The following ZNF385D variants were observed in gnomAD, a reference collection of about 807,000 sequenced individuals.
ZNF385D encodes zinc finger protein 659.
In ZNF385D, 15 loss-of-function variants were observed where a neutral mutation model predicts 35.8. The ratio of observed to expected loss-of-function variants is 0.42; its 90% CI spans 0.28 to 0.64. The LOEUF (loss-of-function observed/expected upper bound fraction) is 0.64. Among genes scored for constraint, ZNF385D ranks in the 30% least tolerant of loss-of-function variants. The probability of loss-of-function intolerance (pLI) is 0.23; values close to 1 mark genes in which losing one functional copy is unlikely to be tolerated. For synonymous variants in ZNF385D, 212 were observed against 186.8 expected (o/e 1.13, Z -1.10); for missense variants, 474 against 494.6 (o/e 0.96, Z 0.39).
intron 2 of ZNF385D, among the ~76,000 whole-genome samples, chr3:21,592,543 C>CAAAA (rs3041752): frequency 2.4e-5 from 3 of 124,942 alleles, no homozygotes; most frequent in Non-Finnish European, 1.7e-5. Flanking sequence ...GTCTTCATGG[C>CAAAA]AAAAAAAAAA....
intron 3 of ZNF385D, among the ~76,000 whole-genome samples, chr3:21,763,246 T>C (rs1378770596): frequency 6.6e-6 from 1 of 152,142 alleles, no homozygotes; most frequent in Non-Finnish European, 1.5e-5. Context: ...GTACTCTGTC[T>C]GAGTAACAGT....
At chr3:21,738,388 G>T (rs554945840) in intron 1 of ZNF385D, among the ~76,000 whole-genome samples, 1 of 152,140 alleles carries the variant, frequency 6.6e-6, no homozygotes, top group African/African-American at 2.4e-5. Flanking sequence ...TTAAAAACAG[G>T]AATACTGATA....
At chr3:21,950,899 G>T (rs1472323613) in intron 3 of ZNF385D, among the ~76,000 whole-genome samples, 1 of 151,518 alleles carries the variant, frequency 6.6e-6, no homozygotes, top group Non-Finnish European at 1.5e-5. Flanking sequence ...TGTTCCATTG[G>T]TCTGTATATC....
At chr3:21,484,709 G>A (rs1308025912) in intron 4 of ZNF385D, among the ~76,000 whole-genome samples, 2 of 152,116 alleles carry the variant, frequency 1.3e-5, no homozygotes, top group African/African-American at 2.4e-5. Context: ...AAGTGTCAGG[G>A]AGGAGAGGGA....
intron 3 of ZNF385D, among the ~76,000 whole-genome samples, chr3:21,936,309 A>G (rs1002611072): frequency 6.6e-6 from 1 of 152,242 alleles, no homozygotes; most frequent in South Asian, 2.1e-4. Context: ...ATAAAGATTT[A>G]TTTCAATCAT....
chr3:21,498,840 G>C (rs1374740928), intron 4 of ZNF385D, among the ~76,000 whole-genome samples: 1 of 151,456 alleles, frequency 6.6e-6, no homozygotes, highest in Admixed American at 6.6e-5. Context: ...CTACTTGGGA[G>C]GCTGAGGCAG....
intron 2 of ZNF385D, among the ~76,000 whole-genome samples, chr3:22,340,945 A>G (rs1303663978): frequency 2.0e-5 from 3 of 152,098 alleles, no homozygotes; most frequent in Non-Finnish European, 2.9e-5. Context: ...ATCTCTTCCC[A>G]TATTATCAGG....
chr3:21,600,642 G>A (rs1402787499), intron 2 of ZNF385D, among the ~76,000 whole-genome samples: 1 of 151,984 alleles, frequency 6.6e-6, no homozygotes, highest in Non-Finnish European at 1.5e-5. Flanking sequence ...ATATTTGAAG[G>A]AAGCTTTCAA....
chr3:21,908,828 A>T (rs531253585), intron 3 of ZNF385D, among the ~76,000 whole-genome samples: 1 of 152,242 alleles, frequency 6.6e-6, no homozygotes, highest in African/African-American at 2.4e-5. Flanking sequence ...CATGCAAATT[A>T]TAAGCATGTA....
rs969700342 is a variant in ZNF385D at position 22,130,471 on chromosome 3, T to C, written c.325+38346A>G. Reference sequence around the variant, plus strand: ...TGATGGGTACAGCTAGAACTCCAGTTCTGATAACTGGGACGGATGATTTCC... The same window carrying C: ...TGATGGGTACAGCTAGAACTCCAGTCCTGATAACTGGGACGGATGATTTCC... On this transcript the variant is annotated intron_variant, in intron 3 of 5. Coordinates refer to the ZNF385D transcript ENST00000494108. Among the ~76,000 whole-genome samples, 4 of 152,270 alleles carry C rather than the reference T, an allele frequency of 2.6e-5. No homozygotes were observed. In the South Asian group the frequency reaches 8.3e-4, roughly 32 times the overall value.
chr3:21,732,695 T>C (rs1190389446), intron 1 of ZNF385D, among the ~76,000 whole-genome samples: 1 of 152,232 alleles, frequency 6.6e-6, no homozygotes, highest in Non-Finnish European at 1.5e-5. Context: ...TCTTCTTTGG[T>C]AAAGTATCTG....
intron 5 of ZNF385D, among the ~76,000 whole-genome samples, chr3:21,430,543 G>A (rs78388807): frequency 0.023 from 3,573 of 152,158 alleles, 123 homozygotes; most frequent in Admixed American, 0.09. Flanking sequence ...ATCTGATAGT[G>A]GAGACAAATG....
At chr3:22,137,962 T>G (rs1704255996) in intron 3 of ZNF385D, among the ~76,000 whole-genome samples, 1 of 152,192 alleles carries the variant, frequency 6.6e-6, no homozygotes, top group Non-Finnish European at 1.5e-5. Context: ...GATAAGCAAC[T>G]TCAGCAAACT....
chr3:22,101,325 G>C (rs572892224), intron 3 of ZNF385D, among the ~76,000 whole-genome samples: 3 of 151,936 alleles, frequency 2.0e-5, no homozygotes, highest in African/African-American at 7.3e-5. Flanking sequence ...GATAGAAGTA[G>C]GTATAGATAC....
chr3:22,070,858 A>G (rs1347547382), intron 3 of ZNF385D, among the ~76,000 whole-genome samples: 1 of 152,186 alleles, frequency 6.6e-6, no homozygotes, highest in East Asian at 1.9e-4. Context: ...GCTTCAATTT[A>G]ATCACTTTTG....
intron 3 of ZNF385D, among the ~76,000 whole-genome samples, chr3:22,125,044 G>T (rs574565682): frequency 6.6e-6 from 1 of 152,100 alleles, no homozygotes; most frequent in South Asian, 2.1e-4. Flanking sequence ...CAGTTTCATA[G>T]TTTGAGATCT....
At chr3:22,321,723 T>G (rs1419210048) in intron 2 of ZNF385D, among the ~76,000 whole-genome samples, 1 of 152,164 alleles carries the variant, frequency 6.6e-6, no homozygotes, top group African/African-American at 2.4e-5. Context: ...ACTTGCTTTA[T>G]TACTTATTTC....
chr3:21,667,760 A>G lies in ZNF385D; in HGVS notation c.23-2732T>C, dbSNP rs189409917. ...AAGGAATAGCTCAAGCTGATTTTTTATCTAGCACAATGAGAGATATAAATA... is the reference window on the plus strand; with the variant it reads ...AAGGAATAGCTCAAGCTGATTTTTTGTCTAGCACAATGAGAGATATAAATA... On this transcript the variant is annotated intron_variant, in intron 1 of 7. Coordinates refer to ENST00000281523, the MANE Select transcript of ZNF385D (RefSeq NM_024697.3). Among the ~76,000 whole-genome samples the G allele has an allele frequency of 1.2e-4, 18 of 152,318 alleles. 1 individual carries two copies. Among genetic ancestry groups the G allele is most frequent in the African/African-American group, 4.3e-4 (18 of 41,582 alleles).
At chr3:21,687,902 GTT>G (rs953588009) in intron 1 of ZNF385D, among the ~76,000 whole-genome samples, 1 of 147,520 alleles carries the variant, frequency 6.8e-6, no homozygotes. Flanking sequence ...AACAAAATCT[GTT>G]TTTTTTTTAG....
Sources: gnomAD v4.1 joint callset for allele counts (sites outside exome capture counted in the v4.1 genomes callset) on GRCh38, gnomAD v4.1.1 for gene constraint, MANE v1.5 for transcripts, NCBI Gene and HGNC (gene_info 2026-07-23, HGNC 2026-07-21) for gene names.